The following EIF3H variants were observed in gnomAD, a reference collection of about 807,000 sequenced individuals.
EIF3H encodes the protein eukaryotic translation initiation factor 3 subunit H, also known as eIF-3-gamma.
Under a neutral mutation model 44.2 loss-of-function variants are expected in EIF3H, and 26 were observed. That is an observed-to-expected ratio of 0.59 (90% CI 0.43 to 0.82). EIF3H has a LOEUF of 0.82. Ranked by LOEUF, EIF3H falls within the 40% of genes least tolerant of loss-of-function variation. The probability of loss-of-function intolerance (pLI) is 0.00; values close to 1 mark genes in which losing one functional copy is unlikely to be tolerated. For synonymous variants in EIF3H, 166 were observed against 151.9 expected, an observed-to-expected ratio of 1.09 and a Z score of -0.68; for missense variants, 359 against 432.8, an observed-to-expected ratio of 0.83 and a Z score of 1.51.
chr8:116,666,413 T>C (rs11781754), intron 2 of EIF3H, among the ~76,000 whole-genome samples: 83,085 of 151,958 alleles, frequency 0.55, 24,634 homozygotes, highest in Non-Finnish European at 0.67. Flanking sequence ...TCACACAAAA[T>C]AACACTTACA....
intron 2 of EIF3H, among the ~76,000 whole-genome samples, chr8:116,678,228 C>T (rs1407932633): frequency 1.3e-5 from 2 of 152,106 alleles, no homozygotes; most frequent in Non-Finnish European, 2.9e-5. Flanking sequence ...CTCCTAACTG[C>T]GAGTGATCCG....
At chr8:116,692,826 C>T (rs1487644653) in intron 2 of EIF3H, among the ~76,000 whole-genome samples, 1 of 152,128 alleles carries the variant, frequency 6.6e-6, no homozygotes, top group Middle Eastern at 3.2e-3. Context: ...AAGCCTTCAG[C>T]TGGTTTTCAC....
intron 2 of EIF3H, among the ~76,000 whole-genome samples, chr8:116,664,016 T>C (rs1813627538): frequency 6.6e-6 from 1 of 151,966 alleles, no homozygotes; most frequent in Non-Finnish European, 1.5e-5. Flanking sequence ...TTGGATGCAG[T>C]TGAGCTCGTG....
intron 2 of EIF3H, among the ~76,000 whole-genome samples, chr8:116,682,281 G>A (rs1401854640): frequency 6.6e-6 from 1 of 152,156 alleles, no homozygotes; most frequent in Non-Finnish European, 1.5e-5. Context: ...AATACATAGA[G>A]GTCAAAAGCA....
chr8:116,755,587 T>G (rs1021096397), intron 1 of EIF3H, 79 bp downstream of exon 1: 17 of 1,589,800 alleles, frequency 1.1e-5, no homozygotes, highest in Admixed American at 1.0e-4. Context: ...AGGGGGAGAA[T>G]GCTAGAAAGT....
intron 2 of EIF3H, among the ~76,000 whole-genome samples, chr8:116,704,001 G>T (rs1038342931): frequency 1.3e-5 from 2 of 152,166 alleles, no homozygotes; most frequent in African/African-American, 4.8e-5. Flanking sequence ...ATCAGTACTG[G>T]TCCGTGGCCT....
Position 116,657,256 on chromosome 8 carries a change from T to G in EIF3H, c.516A>C (p.Lys172Asn). The G allele has an allele frequency of 6.2e-7, 1 of 1,613,752 alleles. No individual in the cohort carries two copies. The highest frequency in any genetic ancestry group is 8.5e-7 in the Non-Finnish European group (1 of 1,179,744). The stretch of plus-strand genomic sequence containing the variant: ...CCTTTTCTTTACAAACTTCCATCAG[T>G]TTAGGAGTCAGTCTGTATGCCTTTA... ...LSLKAYRLTP[K>N]LMEVCKEKDF... Residue 172 changes from lysine (K) to asparagine (N), a missense_variant, in exon 4 of 8, where the codon AAA becomes AAC. Around this residue, in one of 5 missense-constraint regions of EIF3H, gnomAD observed 85 missense variants for 79.2 expected, o/e 1.07. Transcript: ENST00000521861.
intron 2 of EIF3H, among the ~76,000 whole-genome samples, chr8:116,690,490 A>G (rs1255191208): frequency 1.3e-5 from 2 of 152,088 alleles, no homozygotes; most frequent in Non-Finnish European, 2.9e-5. Flanking sequence ...AGCCCAGGAG[A>G]TCATGACCAG....
chr8:116,705,366 C>T (rs1179922186), intron 2 of EIF3H, among the ~76,000 whole-genome samples: 1 of 152,050 alleles, frequency 6.6e-6, no homozygotes, highest in Non-Finnish European at 1.5e-5. Flanking sequence ...GATTCATGCC[C>T]TAATGCTTCC....
chr8:116,743,795 T>C (rs201229611), intron 1 of EIF3H, among the ~76,000 whole-genome samples: 11 of 48,406 alleles, frequency 2.3e-4, no homozygotes, highest in African/African-American at 8.5e-4. Context: ...TATATATATA[T>C]ATAAACACAC....
chr8:116,687,033 G>A (rs1814089992), intron 2 of EIF3H, among the ~76,000 whole-genome samples: 1 of 152,154 alleles, frequency 6.6e-6, no homozygotes, highest in Non-Finnish European at 1.5e-5. Flanking sequence ...TTTAGTTGAA[G>A]AGTGACACTC....
At chr8:116,688,988 C>A (rs1814127170) in intron 2 of EIF3H, 2 of 356,854 alleles carry the variant, frequency 5.6e-6, no homozygotes, top group South Asian at 4.1e-5. Context: ...AATGTCCACA[C>A]AATTTTGTAC....
At chr8:116,729,568 G>A (rs1392596290) in intron 1 of EIF3H, among the ~76,000 whole-genome samples, 1 of 152,058 alleles carries the variant, frequency 6.6e-6, no homozygotes, top group Non-Finnish European at 1.5e-5. Context: ...TCGCTCTTTC[G>A]ACATCACTGA....
chr8:116,715,290 T>C (rs1433200612), intron 2 of EIF3H, among the ~76,000 whole-genome samples: 5 of 151,932 alleles, frequency 3.3e-5, no homozygotes. Flanking sequence ...CCAAATTTGA[T>C]TAATACAAAA....
At chr8:116,745,461 G>A (rs898590249) in intron 1 of EIF3H, among the ~76,000 whole-genome samples, 7 of 152,236 alleles carry the variant, frequency 4.6e-5, no homozygotes, top group Non-Finnish European at 1.0e-4. Flanking sequence ...TACCCAAGAA[G>A]ACAGCTACAA....
intron 1 of EIF3H, among the ~76,000 whole-genome samples, chr8:116,739,495 A>T (rs1204494044): frequency 6.6e-6 from 1 of 152,130 alleles, no homozygotes; most frequent in Non-Finnish European, 1.5e-5. Context: ...CTAAACATAC[A>T]AAAAATTAGC....
At chr8:116,660,908 A>C (rs1386917327) in intron 2 of EIF3H, among the ~76,000 whole-genome samples, 1 of 152,204 alleles carries the variant, frequency 6.6e-6, no homozygotes, top group Non-Finnish European at 1.5e-5. Flanking sequence ...TAAAAACATC[A>C]CTACCTTAGA....
chr8:116,750,162 G>A (rs1259771289), intron 1 of EIF3H, among the ~76,000 whole-genome samples: 3 of 152,224 alleles, frequency 2.0e-5, no homozygotes, highest in Admixed American at 6.5e-5. Context: ...GCATGTGGTC[G>A]GCAATCAATA....
intron 5 of EIF3H, among the ~76,000 whole-genome samples, chr8:116,652,286 T>TA (rs1291482289): frequency 1.3e-5 from 2 of 152,220 alleles, no homozygotes; most frequent in African/African-American, 4.8e-5. Flanking sequence ...AGGGAGGTCT[T>TA]ACTACATATA....
Sources: gnomAD v4.1 joint callset for allele counts (sites outside exome capture counted in the v4.1 genomes callset) on GRCh38, gnomAD v4.1.1 for gene constraint, gnomAD v4.1.1 regional missense constraint, MANE v1.5 for transcripts, NCBI Gene and HGNC (gene_info 2026-07-23, HGNC 2026-07-21) for gene names.